DCHS2: variants seen among roughly 807,000 people sequenced by gnomAD.
DCHS2 encodes the protein protocadherin-23.
In DCHS2, 142 loss-of-function variants were observed where a neutral mutation model predicts 182.4. The ratio of observed to expected loss-of-function variants is 0.78; its 90% confidence interval spans 0.68 to 0.89. The LOEUF is 0.89. Ranked by LOEUF, DCHS2 falls within the 40% of genes least tolerant of loss-of-function variation. The pLI, the probability that DCHS2 is intolerant of heterozygous loss-of-function variation, is 0.00. For synonymous variants in DCHS2, 1,740 were observed against 1,663.3 expected, an observed-to-expected ratio of 1.05 and a Z score of -1.12; for missense variants, 4,319 against 4,198.6, an observed-to-expected ratio of 1.03 and a Z score of -0.79.
At chr4:154,380,334 T>C (rs1301687826) in intron 1 of DCHS2, among the ~76,000 whole-genome samples, 1 of 152,172 alleles carries the variant, frequency 6.6e-6, no homozygotes, top group Non-Finnish European at 1.5e-5. Flanking sequence ...TCTCATCAGT[T>C]GGGCTGAAGC....
chr4:154,402,666 C>T (rs546747125), intron 1 of DCHS2, among the ~76,000 whole-genome samples: 2 of 152,214 alleles, frequency 1.3e-5, no homozygotes, highest in African/African-American at 2.4e-5. Flanking sequence ...TGCCTTGTCT[C>T]AAATGAGGGT....
intron 1 of DCHS2, among the ~76,000 whole-genome samples, chr4:154,480,089 G>C (rs577587536): frequency 2.6e-5 from 4 of 152,184 alleles, no homozygotes; most frequent in African/African-American, 9.6e-5. Flanking sequence ...CTCATAACTT[G>C]GTTCTTGTAT....
chr4:154,288,072 T>C (rs1032467822), intron 13 of DCHS2, among the ~76,000 whole-genome samples: 26 of 152,204 alleles, frequency 1.7e-4, no homozygotes, highest in African/African-American at 5.8e-4. Context: ...AAATCCTTAC[T>C]TAGCAATAAT....
intron 12 of DCHS2, among the ~76,000 whole-genome samples, chr4:154,301,087 C>T (rs995556581): frequency 2.0e-5 from 3 of 152,172 alleles, no homozygotes; most frequent in East Asian, 1.9e-4. Context: ...CCCACATTCA[C>T]CTTTATAAGC....
chr4:154,470,655 A>T (rs1366259854), intron 1 of DCHS2, among the ~76,000 whole-genome samples: 1 of 152,212 alleles, frequency 6.6e-6, no homozygotes, highest in Non-Finnish European at 1.5e-5. Flanking sequence ...TATGTCACTC[A>T]TCTCATAAGC....
intron 4 of DCHS2, chr4:154,334,579 G>T (rs962005308): frequency 3.4e-6 from 1 of 297,498 alleles, no homozygotes. Context: ...GTGTACATGT[G>T]TGTGTTTTTG....
intron 1 of DCHS2, among the ~76,000 whole-genome samples, chr4:154,413,262 C>T (rs79907717): frequency 6.6e-6 from 1 of 152,188 alleles, no homozygotes; most frequent in African/African-American, 2.4e-5. Context: ...ATTATACTCA[C>T]TCCATTAAAT....
Position 154,490,671 on chromosome 4 carries a change from C to G in DCHS2, c.685G>C (p.Gly229Arg). Residue 229 changes from glycine (G) to arginine (R), a missense_variant, in exon 1 of 20, where the codon GGG (glycine) becomes CGG (arginine). Gly to Arg is a moderately radical substitution (Grantham distance 125, BLOSUM62 -2). Transcript: ENST00000357232. Reference protein sequence around the residue: ...PFFQLRYRTPGPLPSPLLPGS... With the variant: ...PFFQLRYRTPRPLPSPLLPGS... ...GGCAAAAGCGGTGACGGTAGTGGCC[C>G]CGGAGTCCGGTAGCGCAACTGGAAG... is the stretch of plus-strand genomic sequence containing the variant. 6.4e-7 allele frequency: 1 copy of G among 1,551,562 alleles called. No homozygotes were observed. The highest frequency in any genetic ancestry group is 1.2e-5 in the South Asian group (1 of 84,062).
chr4:154,407,602 A>C (rs1159711515), intron 1 of DCHS2, among the ~76,000 whole-genome samples: 1 of 152,170 alleles, frequency 6.6e-6, no homozygotes, highest in Non-Finnish European at 1.5e-5. Flanking sequence ...ACCAGAAACA[A>C]AGTCCTGGTT....
Position 154,445,083 on chromosome 4 carries a change from G to A in DCHS2, c.2052+44221C>T, listed in dbSNP as rs115980740. ...CTGAAAGAGCAATGGCTGTCACTCCGTCTCCTCACCCTGCTTTAATTCTAC... is the reference window on the plus strand; with the variant it reads ...CTGAAAGAGCAATGGCTGTCACTCCATCTCCTCACCCTGCTTTAATTCTAC... On this transcript the variant is annotated intron_variant, in intron 1 of 19. Transcript: ENST00000357232. Among the ~76,000 whole-genome samples, 436 of 152,216 alleles carry A rather than the reference G, an allele frequency of 2.9e-3. 1 individual carries two copies. The highest frequency in any genetic ancestry group is 9.6e-3 in the African/African-American group (399 of 41,536).
At chr4:154,411,666 A>T (rs1732638917) in intron 1 of DCHS2, among the ~76,000 whole-genome samples, 1 of 152,196 alleles carries the variant, frequency 6.6e-6, no homozygotes, top group South Asian at 2.1e-4. Context: ...ATAGTTAATA[A>T]CAGTGTATTA....
chr4:154,384,452 T>C, intron 1 of DCHS2: 2 of 1,604,274 alleles, frequency 1.2e-6, no homozygotes, highest in Non-Finnish European at 1.7e-6. Flanking sequence ...GACTACCTCT[T>C]TTCAATCCAC....
chr4:154,395,452 T>C (rs1731889383), intron 1 of DCHS2, among the ~76,000 whole-genome samples: 1 of 152,274 alleles, frequency 6.6e-6, no homozygotes, highest in Middle Eastern at 3.4e-3. Context: ...TACTTCCTTA[T>C]ACAGGTCTTC....
intron 13 of DCHS2, among the ~76,000 whole-genome samples, chr4:154,275,916 T>C (rs1004373079): frequency 6.6e-6 from 1 of 152,142 alleles, no homozygotes; most frequent in African/African-American, 2.4e-5. Context: ...ATTTTCATAA[T>C]ATCAAATGGA....
At chr4:154,241,613 C>A (rs1273359616) in intron 17 of DCHS2, among the ~76,000 whole-genome samples, 1 of 152,108 alleles carries the variant, frequency 6.6e-6, no homozygotes, top group Non-Finnish European at 1.5e-5. Context: ...CATAATTTTC[C>A]ATTTTCAAGC....
intron 15 of DCHS2, among the ~76,000 whole-genome samples, chr4:154,256,053 G>C (rs1384593931): frequency 1.3e-5 from 2 of 152,066 alleles, no homozygotes; most frequent in Non-Finnish European, 2.9e-5. Context: ...TCCACATAGT[G>C]ATAATTTTTT....
intron 2 of DCHS2, among the ~76,000 whole-genome samples, chr4:154,370,549 A>G (rs1051977175): frequency 1.3e-5 from 2 of 152,172 alleles, no homozygotes; most frequent in African/African-American, 4.8e-5. Flanking sequence ...GCAGGAAAAA[A>G]GAGAAAATCA....
chr4:154,337,764 G>A (rs142537432), intron 3 of DCHS2, among the ~76,000 whole-genome samples: 5,457 of 151,846 alleles, frequency 0.036, 136 homozygotes, highest in Middle Eastern at 0.058. Flanking sequence ...TTATTGAGAT[G>A]AAGTTTCACT....
chr4:154,374,121 C>A lies in DCHS2; in HGVS notation c.2244+3132G>T, dbSNP rs1003671049. ...TGCACTTCTGGAGCACTGTGCTTTC[C>A]AGGCTGTGGTGGTGCATTGATATGA... On this transcript the variant is annotated intron_variant, in intron 2 of 19. Transcript: ENST00000357232. The A allele has an allele frequency of 1.0e-5, 6 of 600,212 alleles. No individual in the cohort carries two copies. In the African/African-American group the frequency reaches 1.1e-4, roughly 11 times the overall value. 37.2% of individuals were successfully genotyped at this position (600,212 alleles called of 1,614,324 possible).
Sources: allele counts gnomAD v4.1 joint callset (sites outside exome capture counted in the v4.1 genomes callset), GRCh38; gene constraint gnomAD v4.1.1; transcripts MANE v1.5; gene names NCBI Gene and HGNC (gene_info 2026-07-23, HGNC 2026-07-21).